Variants in CFAP47 observed in about 807,000 individuals in gnomAD.
CFAP47 encodes cilia and flagella associated protein 47.
CFAP47 carries 29 observed loss-of-function variants against 148.1 expected under a neutral mutation model. The ratio of observed to expected loss-of-function variants is 0.20; its 90% CI spans 0.15 to 0.27. CFAP47 has a LOEUF of 0.27. CFAP47 is among the 10% of genes least tolerant of loss of function. The pLI, the probability that CFAP47 is intolerant of heterozygous loss-of-function variation, is 1.00. For missense variants in CFAP47, 1,872 were observed against 1,697.5 expected (o/e 1.10, Z -1.81); for synonymous variants, 664 against 577.3 (o/e 1.15, Z -2.15).
chrX:36,195,187 AAAG>A (rs1393888170), intron 42 of CFAP47, among the ~76,000 whole-genome samples: 1 of 112,791 alleles, frequency 8.9e-6, no homozygotes, highest in Admixed American at 9.4e-5. Flanking sequence ...TCTAGAATAG[AAAG>A]AAGAATTCAT....
rs948490251 is a variant in CFAP47, at chrX:35,958,099, C to A, written c.1410+1903C>A. On this transcript the variant is annotated intron_variant, in intron 8 of 63. Transcript: ENST00000378653. Reference sequence around the variant, plus strand: ...TCTATTCTCTCTGTCAGTAGGTTTTCCAGTTTGGGTCATTTTCTATAAATA... The same window carrying A: ...TCTATTCTCTCTGTCAGTAGGTTTTACAGTTTGGGTCATTTTCTATAAATA... Among the ~76,000 whole-genome samples, 10 of 111,404 alleles carry A rather than the reference C, an allele frequency of 9.0e-5. No homozygotes were observed. The Admixed American group carries it at 9.6e-4, about 11-fold the overall frequency.
Position 36,361,262 on chromosome X carries a change from A to G in CFAP47, c.8852-68A>G, listed in dbSNP as rs781960476. ...ATACCTGTGCATTGTTAGTCTTGAC[A>G]GGTAATTGATATTAAATCTATGCAT... On this transcript the variant is annotated intron_variant, in intron 60 of 63. Transcript: ENST00000378653. The G allele has an allele frequency of 2.7e-4, 157 of 588,240 alleles. 5 individuals are homozygous for G. The South Asian group carries it at 4.8e-3, about 18-fold the overall frequency. 48.5% of individuals were successfully genotyped at this position (588,240 alleles called of 1,213,427 possible). A position where few individuals can be genotyped will look rare whatever the true frequency, so the allele number is the denominator to read the frequency against.
At chrX:36,055,844 T>C (rs1937550473) in intron 26 of CFAP47, among the ~76,000 whole-genome samples, 1 of 111,927 alleles carries the variant, frequency 8.9e-6, no homozygotes, top group African/African-American at 3.3e-5. Context: ...TTTTTAATAA[T>C]CGCCATTCTG....
At chrX:35,953,537 G>A in intron 6 of CFAP47, 55 bp from the exon 7 acceptor site, 1 of 923,111 alleles carries the variant, frequency 1.1e-6, no homozygotes, top group Non-Finnish European at 1.5e-6. Context: ...CTCTTACAAG[G>A]TGATAAAGTA....
chrX:35,991,105 A>G (rs1353552092), intron 16 of CFAP47, among the ~76,000 whole-genome samples: 1 of 111,527 alleles, frequency 9.0e-6, no homozygotes, highest in Non-Finnish European at 1.9e-5. Flanking sequence ...TAATCATTGT[A>G]TGACTTAGAC....
At chrX:36,230,241 T>C (rs1375132400) in intron 46 of CFAP47, among the ~76,000 whole-genome samples, 1 of 103,008 alleles carries the variant, frequency 9.7e-6, no homozygotes, top group Non-Finnish European at 2.0e-5. Flanking sequence ...TGTAAAAGTG[T>C]TCCTATTTCT....
chrX:35,936,508 C>A (rs781661786), intron 2 of CFAP47, among the ~76,000 whole-genome samples: 1 of 103,623 alleles, frequency 9.7e-6, no homozygotes, highest in African/African-American at 3.5e-5. Context: ...TGAGGTTCAT[C>A]TTGGTTGACA....
At chrX:36,293,216 C>A (rs1037707398) in intron 51 of CFAP47, among the ~76,000 whole-genome samples, 1 of 111,728 alleles carries the variant, frequency 9.0e-6, no homozygotes, top group Admixed American at 9.6e-5. Context: ...CCTGGATTTT[C>A]AAATGAAGTC....
At position 36,350,143 on chromosome X, in the gene CFAP47, A is replaced by T. The variant is rs1323078279; in HGVS notation, c.8698+11A>T. 7 of 1,037,312 alleles carry T rather than the reference A, an allele frequency of 6.7e-6. No individual in the cohort carries two copies. The African/African-American group carries it at 9.5e-5, about 14-fold the overall frequency. 85.5% of individuals were successfully genotyped at this position (1,037,312 alleles called of 1,213,427 possible). On this transcript the variant is annotated intron_variant, in intron 59 of 63. Transcript: ENST00000378653. ...CTAAATCTCCCCCAGGTAGGTATAC[A>T]TTAGGGTCAGAGAATGCCAGAATTC...
intron 49 of CFAP47, among the ~76,000 whole-genome samples, chrX:36,256,206 C>A (rs1940749922): frequency 1.8e-5 from 2 of 111,880 alleles, no homozygotes; most frequent in Admixed American, 1.9e-4. Flanking sequence ...AATAAATTTT[C>A]ATTTATCTTA....
intron 39 of CFAP47, among the ~76,000 whole-genome samples, chrX:36,176,056 C>T (rs953979180): frequency 6.2e-5 from 7 of 112,411 alleles, no homozygotes; most frequent in East Asian, 2.8e-4. Context: ...GGGAGTGACC[C>T]GATTTTCCAG....
At chrX:35,974,191 A>G (rs749166327) in intron 13 of CFAP47, among the ~76,000 whole-genome samples, 2 of 112,046 alleles carry the variant, frequency 1.8e-5, no homozygotes, top group Non-Finnish European at 3.8e-5. Context: ...CATCTCTGAG[A>G]AGTATATTTG....
intron 49 of CFAP47, among the ~76,000 whole-genome samples, chrX:36,268,480 T>C (rs1489165199): frequency 8.9e-6 from 1 of 112,928 alleles, no homozygotes; most frequent in African/African-American, 3.2e-5. Flanking sequence ...AAGTGAAGGC[T>C]ATAGATGCTC....
intron 42 of CFAP47, among the ~76,000 whole-genome samples, chrX:36,192,856 G>A (rs188733829): frequency 8.9e-6 from 1 of 111,904 alleles, no homozygotes; most frequent in African/African-American, 3.2e-5. Context: ...AATTGGTCAG[G>A]CCCACACCAG....
intron 24 of CFAP47, among the ~76,000 whole-genome samples, chrX:36,037,982 C>A (rs1242479185): frequency 9.0e-6 from 1 of 110,794 alleles, no homozygotes; most frequent in Non-Finnish European, 1.9e-5. Context: ...CATTATTTTT[C>A]TATTCCTCCT....
intron 40 of CFAP47, among the ~76,000 whole-genome samples, chrX:36,184,031 C>T (rs760012956): frequency 9.1e-6 from 1 of 110,303 alleles, no homozygotes; most frequent in Non-Finnish European, 1.9e-5. Flanking sequence ...ATCTGGCCCT[C>T]GAGGAACCAA....
intron 15 of CFAP47, among the ~76,000 whole-genome samples, chrX:35,986,989 G>A (rs1936724463): frequency 9.0e-6 from 1 of 111,484 alleles, no homozygotes; most frequent in South Asian, 3.8e-4. Flanking sequence ...CTTTGTCCCA[G>A]AGGGGCACCC....
chrX:36,248,324 T>C (rs1602068563), intron 48 of CFAP47, among the ~76,000 whole-genome samples: 1 of 85,362 alleles, frequency 1.2e-5, no homozygotes, highest in Non-Finnish European at 2.4e-5. Context: ...TATTTTTCTA[T>C]GCTTTAGAAA....
chrX:36,138,301 A>G (rs762688208), intron 34 of CFAP47, 47 bp from the exon 35 acceptor site: 1 of 1,057,513 alleles, frequency 9.5e-7, no homozygotes, highest in Non-Finnish European at 1.2e-6. Flanking sequence ...TAAAAAACAG[A>G]ATTTTTTATT....
Sources: allele counts gnomAD v4.1 joint callset (sites outside exome capture counted in the v4.1 genomes callset), GRCh38; gene constraint gnomAD v4.1.1; transcripts MANE v1.5; gene names NCBI Gene and HGNC (gene_info 2026-07-23, HGNC 2026-07-21).